The following AMPD1 variants were observed in gnomAD, a reference collection of about 807,000 sequenced individuals.
AMPD1 encodes the protein AMP deaminase 1.
In AMPD1, 74 loss-of-function variants were observed where a neutral mutation model predicts 82.9. The observed-to-expected ratio is 0.89, with a 90% CI of 0.74 to 1.08. The LOEUF (loss-of-function observed/expected upper bound fraction) is 1.08. AMPD1 is among the 50% of genes least tolerant of loss of function. The pLI, the probability that AMPD1 is intolerant of heterozygous loss-of-function variation, is 0.00. For synonymous variants in AMPD1, 333 were observed against 320.5 expected (o/e 1.04, Z -0.42); for missense variants, 881 against 924.5 (o/e 0.95, Z 0.61).
At chr1:114,682,713 G>T (rs1018654686) in intron 5 of AMPD1, among the ~76,000 whole-genome samples, 1 of 152,082 alleles carries the variant, frequency 6.6e-6, no homozygotes, top group African/African-American at 2.4e-5. Flanking sequence ...GGAGTAGCTG[G>T]GACTACAGGC....
At chr1:114,695,413 A>G in intron 1 of AMPD1, 37 bp downstream of exon 1, 1 of 1,606,212 alleles carries the variant, frequency 6.2e-7, no homozygotes. Flanking sequence ...AAAAAAAACA[A>G]CAACAACTGA....
In AMPD1 at chr1:114,678,002, T is replaced by G. The variant is rs567271778; in HGVS notation, c.1132A>C (p.Lys378Gln). The change falls in exon 9 of 16, where the codon AAA becomes CAA. Residue 378 changes from lysine to glutamine, a missense_variant. Around this residue, in one of 2 missense-constraint regions of AMPD1, gnomAD observed 783 missense variants for 786.4 expected, o/e 1.00. Coordinates refer to ENST00000520113, the MANE Select transcript of AMPD1 (RefSeq NM_000036.3). ...TFQRFDKFND[K>Q]YNPVGASELR... ...TCACTTGCTCCTACAGGATTATATTTGTCATTGAACTTATCAAAACGCTGG... is the reference window on the plus strand; with the variant it reads ...TCACTTGCTCCTACAGGATTATATTGGTCATTGAACTTATCAAAACGCTGG... 6.2e-7 allele frequency: 1 copy of G among 1,614,012 alleles called. No homozygotes were observed. The highest frequency in any genetic ancestry group is 2.2e-5 in the East Asian group (1 of 44,880).
At chr1:114,682,825 G>A (rs1658202843) in intron 5 of AMPD1, among the ~76,000 whole-genome samples, 1 of 152,140 alleles carries the variant, frequency 6.6e-6, no homozygotes, top group African/African-American at 2.4e-5. Flanking sequence ...TGATCCGCCC[G>A]CCTTGGCCTC....
Position 114,674,841 on chromosome 1 carries a change from G to A in AMPD1, c.1711C>T (p.Pro571Ser). Reference sequence around the variant, plus strand: ...AGGGCTCCAGCTTCTCCACAGTGAGGTCGGAACAGAAACGTATTCATGCCT... The same window carrying A: ...AGGGCTCCAGCTTCTCCACAGTGAGATCGGAACAGAAACGTATTCATGCCT... ...ERGMNTFLFR[P>S]HCGEAGALTH... The change falls in exon 13 of 16, where the codon CCT becomes TCT. Residue 571 changes from proline to serine, a missense_variant. By Grantham distance (74) the Pro-to-Ser change is moderately conservative. This residue lies in a region of AMPD1 where 783 missense variants were observed against 786.4 expected (regional missense o/e 1.00). Coordinates refer to ENST00000520113, the MANE Select transcript of AMPD1 (RefSeq NM_000036.3). 1 of 1,614,094 alleles carries A rather than the reference G, an allele frequency of 6.2e-7. No individual in the cohort carries two copies. Among genetic ancestry groups the A allele is most frequent in the Non-Finnish European group, 8.5e-7 (1 of 1,179,978 alleles).
intron 3 of AMPD1, among the ~76,000 whole-genome samples, chr1:114,688,156 C>G (rs1220286558): frequency 6.6e-6 from 1 of 151,858 alleles, no homozygotes; most frequent in Non-Finnish European, 1.5e-5. Context: ...GAGACAGACT[C>G]TCGCTCTGTC....
At chr1:114,686,659 CA>C in intron 4 of AMPD1, 85 bp downstream of exon 4, 1 of 1,449,028 alleles carries the variant, frequency 6.9e-7, no homozygotes, top group Middle Eastern at 1.7e-4. Flanking sequence ...CCTCCCTCAA[CA>C]GGAAAGAGAA....
In AMPD1 at chr1:114,675,922, G is replaced by A. The variant is rs587779371; in HGVS notation, c.1470C>T (p.Thr490=). Residue 490 remains threonine, a synonymous_variant, in exon 11 of 16, where the codon ACC becomes ACT. Coordinates refer to ENST00000520113, the MANE Select transcript of AMPD1 (RefSeq NM_000036.3). The part of the protein sequence containing the change: ...ENIFMPVFEA[T]INPQADPELS... ...GTTCTGGGTCAGCCTGGGGGTTGAT[G>A]GTGGCCTCAAACACTGGCATGAAAA... 1.9e-6 allele frequency: 3 copies of A among 1,614,156 alleles called. No individual in the cohort carries two copies. The highest frequency in any genetic ancestry group is 2.5e-6 in the Non-Finnish European group (3 of 1,180,038).
At chr1:114,688,249 T>G (rs1658378141) in intron 3 of AMPD1, among the ~76,000 whole-genome samples, 1 of 152,172 alleles carries the variant, frequency 6.6e-6, no homozygotes. Context: ...TGCCTCAACC[T>G]CCCAGGTAGC....
chr1:114,681,844 A>G (rs1435035481), intron 5 of AMPD1, among the ~76,000 whole-genome samples: 1 of 152,214 alleles, frequency 6.6e-6, no homozygotes, highest in Non-Finnish European at 1.5e-5. Context: ...CATACAGAAT[A>G]GTTTCACTCC....
At chr1:114,674,993 C>T in intron 12 of AMPD1, 121 bp from the exon 13 acceptor site, 2 of 1,293,324 alleles carry the variant, frequency 1.5e-6, no homozygotes, top group Non-Finnish European at 2.2e-6. Context: ...TTCAGCAAAA[C>T]AGTCCCAAAT....
In AMPD1 at chr1:114,673,669, G is replaced by C. The variant is rs370342388; in HGVS notation, c.2055C>G (p.Asn685Lys). Residue 685 changes from asparagine to lysine, a missense_variant, in exon 15 of 16, where the codon AAC becomes AAG. Asn to Lys is a moderately conservative substitution (Grantham distance 94, BLOSUM62 0). Transcript: ENST00000520113. The stretch of plus-strand genomic sequence containing the variant: ...GAGAAATTCCACACTGCAAGACACT[G>C]TTCCTTGCCACTTCGCACATATCAC... ...STCDMCEVAR[N>K]SVLQCGISHE... is the part of the protein sequence containing the mutation. 6 of 1,613,970 alleles carry C rather than the reference G, an allele frequency of 3.7e-6. No homozygotes were observed. Among genetic ancestry groups the C allele is most frequent in the Non-Finnish European group, 5.1e-6 (6 of 1,179,974 alleles).
intron 3 of AMPD1, 48 bp downstream of exon 3, chr1:114,688,513 C>T: frequency 6.3e-7 from 1 of 1,593,150 alleles, no homozygotes; most frequent in Non-Finnish European, 8.6e-7. Flanking sequence ...CTGGCAGATA[C>T]CCCTCCTTAG....
chr1:114,674,802 T>C lies in AMPD1; in HGVS notation c.1750A>G (p.Thr584Ala). Residue 584 changes from threonine (T) to alanine (A), a missense_variant, in exon 13 of 16, where the codon ACA becomes GCA. Physicochemically the swap from Thr to Ala is moderately conservative, Grantham distance 58. This residue lies in a region of AMPD1 where 783 missense variants were observed against 786.4 expected (regional missense o/e 1.00). Coordinates refer to ENST00000520113, the MANE Select transcript of AMPD1 (RefSeq NM_000036.3). ...ATATCATCTGCTATCATGAATGCTG[T>C]CATGAGATGGGTGAGGGCTCCAGCT... ...GEAGALTHLMTAFMIADDISH... is the reference protein window; with the variant it reads ...GEAGALTHLMAAFMIADDISH... 1 of 1,613,818 alleles carries C rather than the reference T, an allele frequency of 6.2e-7. No homozygotes were observed. The highest frequency in any genetic ancestry group is 8.5e-7 in the Non-Finnish European group (1 of 1,179,680).
At chr1:114,679,906 G>A (rs1658106412) in intron 6 of AMPD1, among the ~76,000 whole-genome samples, 198 bp from the exon 7 acceptor site, 1 of 152,172 alleles carries the variant, frequency 6.6e-6, no homozygotes, top group African/African-American at 2.4e-5. Context: ...TTGGACATAA[G>A]AATGAGGGAG....
chr1:114,680,834 G>A (rs554848119), intron 5 of AMPD1, among the ~76,000 whole-genome samples: 19 of 152,246 alleles, frequency 1.2e-4, no homozygotes, highest in Non-Finnish European at 2.1e-4. Flanking sequence ...AGGCTGTGGC[G>A]GCGTGTGCCT....
intron 11 of AMPD1, 63 bp downstream of exon 11, chr1:114,675,814 C>T (rs1452565836): frequency 6.2e-7 from 1 of 1,613,598 alleles, no homozygotes; most frequent in African/African-American, 1.3e-5. Context: ...AAGAATTAGT[C>T]ATGACCAGGT....
intron 8 of AMPD1, 116 bp from the exon 9 acceptor site, chr1:114,678,157 A>C: frequency 6.7e-7 from 1 of 1,494,212 alleles, no homozygotes; most frequent in Non-Finnish European, 9.3e-7. Context: ...ATTGGGCTCC[A>C]AGAATGGAAT....
intron 2 of AMPD1, among the ~76,000 whole-genome samples, chr1:114,693,157 T>G (rs1371786101): frequency 6.8e-6 from 1 of 147,934 alleles, no homozygotes; most frequent in Non-Finnish European, 1.5e-5. Flanking sequence ...AATAAATAAA[T>G]AAATAAATAA....
intron 7 of AMPD1, among the ~76,000 whole-genome samples, chr1:114,679,054 C>T (rs1570841972): frequency 6.6e-6 from 1 of 152,326 alleles, no homozygotes. Flanking sequence ...CCTATTCCCA[C>T]TTCCTTGTAA....
Sources: gnomAD v4.1 joint callset for allele counts (sites outside exome capture counted in the v4.1 genomes callset) on GRCh38, gnomAD v4.1.1 for gene constraint, gnomAD v4.1.1 regional missense constraint, MANE v1.5 for transcripts, NCBI Gene and HGNC (gene_info 2026-07-23, HGNC 2026-07-21) for gene names.